The following SEMA5A variants were observed in gnomAD, a reference collection of about 807,000 sequenced individuals.
SEMA5A encodes the protein semaphorin 5A.
In SEMA5A, 55 loss-of-function variants were observed where a neutral mutation model predicts 135.5. The ratio of observed to expected loss-of-function variants is 0.41; its 90% confidence interval spans 0.33 to 0.51. SEMA5A has a LOEUF of 0.51. Among genes scored for constraint, SEMA5A ranks in the 20% least tolerant of loss-of-function variants. The pLI is 0.37. For synonymous variants in SEMA5A, 580 were observed against 546.5 expected (o/e 1.06, Z -0.85); for missense variants, 1,290 against 1,419.9 (o/e 0.91, Z 1.47).
intron 5 of SEMA5A, among the ~76,000 whole-genome samples, chr5:9,265,870 C>T (rs1255817388): frequency 6.6e-6 from 1 of 152,178 alleles, no homozygotes; most frequent in Non-Finnish European, 1.5e-5. Flanking sequence ...ACCGTGTTTT[C>T]ATGTTCAGGG....
intron 11 of SEMA5A, among the ~76,000 whole-genome samples, chr5:9,172,674 C>T (rs1017256653): frequency 6.6e-6 from 1 of 152,128 alleles, no homozygotes; most frequent in Non-Finnish European, 1.5e-5. Context: ...TTCTACCTGG[C>T]ATAACTGAAG....
chr5:9,265,023 C>T (rs760222349), intron 5 of SEMA5A, among the ~76,000 whole-genome samples: 1 of 152,068 alleles, frequency 6.6e-6, no homozygotes, highest in Non-Finnish European at 1.5e-5. Context: ...ACTTTGGGAG[C>T]CTTCATTATA....
chr5:9,120,783 G>T (rs1258130387), intron 14 of SEMA5A, among the ~76,000 whole-genome samples: 2 of 126,302 alleles, frequency 1.6e-5, no homozygotes, highest in African/African-American at 7.6e-5. Flanking sequence ...AATGTGGATT[G>T]ATTTTTTTTT....
intron 8 of SEMA5A, among the ~76,000 whole-genome samples, chr5:9,210,456 C>T (rs1463599089): frequency 3.3e-5 from 5 of 152,194 alleles, no homozygotes; most frequent in Non-Finnish European, 7.3e-5. Context: ...TTTATTGCAC[C>T]ATGTATGCAA....
intron 3 of SEMA5A, among the ~76,000 whole-genome samples, chr5:9,356,605 C>T (rs1029127869): frequency 6.6e-6 from 1 of 152,102 alleles, no homozygotes; most frequent in African/African-American, 2.4e-5. Context: ...CTCGGGAGCC[C>T]GTGTGGTGTG....
At chr5:9,231,519 G>A (rs987509827) in intron 6 of SEMA5A, among the ~76,000 whole-genome samples, 1 of 150,214 alleles carries the variant, frequency 6.7e-6, no homozygotes, top group African/African-American at 2.5e-5. Context: ...GTTCCAGGCT[G>A]TGTAATAATT....
intron 12 of SEMA5A, 32 bp from the exon 13 acceptor site, chr5:9,136,653 G>A (rs1288008035): frequency 8.3e-6 from 13 of 1,572,522 alleles, no homozygotes; most frequent in Non-Finnish European, 1.1e-5. Context: ...TCAACAGAAA[G>A]GTCGCTTTAC....
intron 8 of SEMA5A, among the ~76,000 whole-genome samples, chr5:9,223,175 T>G (rs1747098058): frequency 6.6e-6 from 1 of 152,194 alleles, no homozygotes; most frequent in Non-Finnish European, 1.5e-5. Flanking sequence ...TAGTTAGTGC[T>G]TCAGTTTGGG....
chr5:9,280,235 C>A (rs1212809597), intron 5 of SEMA5A, among the ~76,000 whole-genome samples: 1 of 152,174 alleles, frequency 6.6e-6, no homozygotes, highest in African/African-American at 2.4e-5. Flanking sequence ...CAGCAGATAT[C>A]TCTGTATTCA....
intron 12 of SEMA5A, among the ~76,000 whole-genome samples, chr5:9,139,174 A>G (rs1741927847): frequency 6.6e-6 from 1 of 152,210 alleles, no homozygotes; most frequent in African/African-American, 2.4e-5. Context: ...GAATCGCCAC[A>G]CTGTTTTCCA....
At chr5:9,399,566 T>C (rs1004221158) in intron 2 of SEMA5A, among the ~76,000 whole-genome samples, 1 of 152,224 alleles carries the variant, frequency 6.6e-6, no homozygotes, top group African/African-American at 2.4e-5. Flanking sequence ...GCTCTGTGAA[T>C]GTATGAAAAA....
chr5:9,357,675 T>C lies in SEMA5A; in HGVS notation c.125-19863A>G, dbSNP rs979194661. Among the ~76,000 whole-genome samples, 3 of 152,310 alleles carry C rather than the reference T, an allele frequency of 2.0e-5. No homozygotes were observed. In the South Asian group the frequency reaches 6.2e-4, roughly 32 times the overall value. On this transcript the variant is annotated intron_variant, in intron 3 of 22. Coordinates refer to ENST00000382496, the MANE Select transcript of SEMA5A (RefSeq NM_003966.3). ...AGTGCCAAGAGAGGGTTGGAGGAAC[T>C]ATTATCCAACAAGCTAAACTTTACC...
intron 15 of SEMA5A, among the ~76,000 whole-genome samples, chr5:9,117,856 C>A (rs1191060122): frequency 6.6e-6 from 1 of 151,886 alleles, no homozygotes; most frequent in African/African-American, 2.4e-5. Flanking sequence ...TAGAAAATGA[C>A]AGGGCTTGCA....
At chr5:9,281,662 C>A (rs1191238444) in intron 5 of SEMA5A, among the ~76,000 whole-genome samples, 1 of 151,966 alleles carries the variant, frequency 6.6e-6, no homozygotes, top group Non-Finnish European at 1.5e-5. Context: ...CTTATAGACC[C>A]CCAGATCACC....
chr5:9,513,323 T>C (rs2126851897), intron 1 of SEMA5A, among the ~76,000 whole-genome samples: 1 of 152,102 alleles, frequency 6.6e-6, no homozygotes, highest in East Asian at 1.9e-4. Context: ...AATCCTATCA[T>C]TGGATTTCAC....
At chr5:9,227,045 C>T in intron 6 of SEMA5A, 78 bp from the exon 7 acceptor site, 1 of 673,868 alleles carries the variant, frequency 1.5e-6, no homozygotes, top group South Asian at 4.8e-5. Flanking sequence ...AGTCTGAGCA[C>T]AAGAAGAATG....
At chr5:9,230,937 G>A (rs1055233554) in intron 6 of SEMA5A, among the ~76,000 whole-genome samples, 8 of 152,164 alleles carry the variant, frequency 5.3e-5, no homozygotes, top group Admixed American at 1.3e-4. Flanking sequence ...GGCATCTCAC[G>A]TACTTCCCGT....
intron 5 of SEMA5A, among the ~76,000 whole-genome samples, chr5:9,248,810 T>C (rs1748616172): frequency 6.6e-6 from 1 of 152,026 alleles, no homozygotes; most frequent in South Asian, 2.1e-4. Flanking sequence ...ACAAATTATT[T>C]CCCCCAAACT....
intron 16 of SEMA5A, among the ~76,000 whole-genome samples, chr5:9,098,755 A>G (rs1739464828): frequency 6.6e-6 from 1 of 152,216 alleles, no homozygotes; most frequent in Non-Finnish European, 1.5e-5. Context: ...AGAAATTATT[A>G]CAATTGAAAT....
Sources: allele counts gnomAD v4.1 joint callset (sites outside exome capture counted in the v4.1 genomes callset), GRCh38; gene constraint gnomAD v4.1.1; transcripts MANE v1.5; gene names NCBI Gene and HGNC (gene_info 2026-07-23, HGNC 2026-07-21).